PGS1: variants seen among roughly 807,000 people sequenced by gnomAD.
PGS1 encodes the protein CDP-diacylglycerol--glycerol-3-phosphate 3-phosphatidyltransferase, mitochondrial.
In PGS1, 44 loss-of-function variants were observed where a neutral mutation model predicts 58.3. That is an observed-to-expected ratio of 0.75 (90% confidence interval 0.59 to 0.97). The LOEUF (loss-of-function observed/expected upper bound fraction) is 0.97, where lower values mean the gene tolerates loss of function less well. PGS1 is among the 50% of genes least tolerant of loss of function. The pLI is 0.00. For synonymous variants in PGS1, 330 were observed against 311.0 expected, an observed-to-expected ratio of 1.06 and a Z score of -0.64; for missense variants, 684 against 731.1, an observed-to-expected ratio of 0.94 and a Z score of 0.74.
Position 78,424,488 on chromosome 17 carries a change from C to T in PGS1, c.*438C>T, listed in dbSNP as rs1466979735. 1 of 299,470 alleles carries T rather than the reference C, an allele frequency of 3.3e-6. No individual in the cohort carries two copies. The highest frequency in any genetic ancestry group is 2.1e-5 in the African/African-American group (1 of 47,686). The allele number at this position is 299,470 out of a possible 1,614,324, so 18.6% of individuals were successfully genotyped here. A position where few individuals can be genotyped will look rare whatever the true frequency, so the allele number is the denominator to read the frequency against. On this transcript the variant is annotated 3_prime_UTR_variant, in exon 10 of 10. Transcript: ENST00000262764. Reference sequence around the variant, plus strand: ...CAGCTAAAAATTACAGAGTAAAGTTCCCTGATTCTTAATGTGTAATGTCTG... The same window carrying T: ...CAGCTAAAAATTACAGAGTAAAGTTTCCTGATTCTTAATGTGTAATGTCTG...
At chr17:78,396,168 G>A in intron 2 of PGS1, 140 bp from the exon 3 acceptor site, 1 of 674,900 alleles carries the variant, frequency 1.5e-6, no homozygotes, top group Non-Finnish European at 2.7e-6. Context: ...CACGTTTCGA[G>A]CTTGCTTTAA....
chr17:78,386,841 C>G (rs1292590575), intron 1 of PGS1, among the ~76,000 whole-genome samples: 1 of 152,124 alleles, frequency 6.6e-6, no homozygotes, highest in South Asian at 2.1e-4. Flanking sequence ...CCATGGGGTT[C>G]TGTCTGATGT....
At chr17:78,399,566 G>T (rs187781286) in intron 5 of PGS1, 29 bp downstream of exon 5, 1 of 1,610,496 alleles carries the variant, frequency 6.2e-7, no homozygotes, top group East Asian at 2.2e-5. Flanking sequence ...CAGTGCTTTT[G>T]CCCTCCTGCT....
At chr17:78,408,236 T>C (rs889751681) in intron 7 of PGS1, among the ~76,000 whole-genome samples, 4 of 152,220 alleles carry the variant, frequency 2.6e-5, no homozygotes, top group African/African-American at 9.6e-5. Context: ...GGTTTATCTA[T>C]TTCATTCTTA....
intron 1 of PGS1, among the ~76,000 whole-genome samples, chr17:78,388,136 C>G (rs2082544356): frequency 6.6e-6 from 1 of 152,218 alleles, no homozygotes; most frequent in African/African-American, 2.4e-5. Context: ...AAACAGGAAG[C>G]CAGCATAAAA....
intron 1 of PGS1, among the ~76,000 whole-genome samples, chr17:78,390,067 C>CCCCCCCCCCCCCCGCCCCCCT (rs1883308583): frequency 7.0e-6 from 1 of 143,496 alleles, no homozygotes; most frequent in African/African-American, 2.6e-5. Flanking sequence ...CCTGTTCCCC[C>CCCCCCCCCCCCCCGCCCCCCT]GCCCCCGACC....
chr17:78,419,998 A>AGGGATGAGGG lies in PGS1; in HGVS notation c.*10+326_*10+335dup, dbSNP rs1025621299. 15 of 1,156,170 alleles carry AGGGATGAGGG rather than the reference A, an allele frequency of 1.3e-5. No individual in the cohort carries two copies. The African/African-American group carries it at 1.9e-4, about 15-fold the overall frequency. The allele number at this position is 1,156,170 out of a possible 1,614,324, so 71.6% of individuals were successfully genotyped here. A position where few individuals can be genotyped will look rare whatever the true frequency, so the allele number is the denominator to read the frequency against. Reference sequence around the variant, plus strand: ...TGAAGAAGCCCTGGGGCAAGGGCTCAGGGATGAGGGGGCAGAAAGGCAGAT... The same window carrying AGGGATGAGGG: ...TGAAGAAGCCCTGGGGCAAGGGCTCAGGGATGAGGGGGGATGAGGGGGCAGAAAGGCAGAT... On this transcript the variant is annotated intron_variant, in intron 9 of 9. Transcript: ENST00000262764.
intron 9 of PGS1, among the ~76,000 whole-genome samples, chr17:78,423,228 T>TGCTGCCCTAG (rs1406037373): frequency 1.3e-5 from 2 of 152,144 alleles, no homozygotes; most frequent in Non-Finnish European, 2.9e-5. Context: ...GCCTGCACCC[T>TGCTGCCCTAG]GCTGCCCTAG....
chr17:78,381,494 C>G (rs996330318), intron 1 of PGS1, among the ~76,000 whole-genome samples: 2 of 152,064 alleles, frequency 1.3e-5, no homozygotes, highest in African/African-American at 4.8e-5. Flanking sequence ...CCTTGGTGTT[C>G]GAGTTATTCA....
intron 7 of PGS1, among the ~76,000 whole-genome samples, chr17:78,405,476 G>A (rs2084055810): frequency 6.6e-6 from 1 of 152,164 alleles, no homozygotes; most frequent in Admixed American, 6.5e-5. Flanking sequence ...TGCTGGTGGG[G>A]GTGGTAGGAA....
chr17:78,396,332 C>T lies in PGS1; in HGVS notation c.358C>T (p.Arg120Trp), dbSNP rs752050948. ...MKGQIRVAKR[R>W]VVMASLYLGT... ...GGGGCAGATAAGAGTAGCCAAGAGG[C>T]GGGTCGTGATGGCATCCCTCTACCT... The change falls in exon 3 of 10, where the codon CGG becomes TGG. Residue 120 changes from arginine (R) to tryptophan (W), a missense_variant. By Grantham distance (101) the Arg-to-Trp change is moderately radical. Transcript: ENST00000262764. 18 of 1,613,382 alleles carry T rather than the reference C, an allele frequency of 1.1e-5. No individual in the cohort carries two copies. The highest frequency in any genetic ancestry group is 1.4e-5 in the Non-Finnish European group (17 of 1,179,542).
At chr17:78,414,315 T>G (rs2084983876) in intron 7 of PGS1, among the ~76,000 whole-genome samples, 1 of 152,206 alleles carries the variant, frequency 6.6e-6, no homozygotes, top group South Asian at 2.1e-4. Context: ...ATCTGCTGGC[T>G]TGGGTCGCGT....
At chr17:78,399,310 G>T in intron 4 of PGS1, 38 bp from the exon 5 acceptor site, 6 of 1,564,350 alleles carry the variant, frequency 3.8e-6, no homozygotes, top group Non-Finnish European at 4.4e-6. Context: ...ACGCCTTCCT[G>T]TTGTGAGTCA....
At chr17:78,385,008 G>A (rs1456985220) in intron 1 of PGS1, among the ~76,000 whole-genome samples, 5 of 152,244 alleles carry the variant, frequency 3.3e-5, no homozygotes, top group African/African-American at 9.6e-5. Context: ...GGAGAAAGGC[G>A]AGGGGTGCCA....
At chr17:78,393,988 A>C (rs1464228825) in intron 2 of PGS1, among the ~76,000 whole-genome samples, 2 of 151,910 alleles carry the variant, frequency 1.3e-5, no homozygotes, top group African/African-American at 4.8e-5. Flanking sequence ...GTTCGAGAAC[A>C]GCCTCGTCAA....
At chr17:78,421,067 A>AGCAATTTATTTT (rs1387161372) in intron 9 of PGS1, 1 of 152,154 alleles carries the variant, frequency 6.6e-6, no homozygotes, top group Non-Finnish European at 1.5e-5. Flanking sequence ...TTTTTTCCCT[A>AGCAATTTATTTT]GCAATTTATT....
chr17:78,379,744 G>T (rs1417597492), intron 1 of PGS1, among the ~76,000 whole-genome samples: 2 of 151,654 alleles, frequency 1.3e-5, no homozygotes, highest in Admixed American at 6.6e-5. Flanking sequence ...CAGGAGAATC[G>T]CTTGAACCCA....
At chr17:78,417,099 C>G (rs2085259010) in intron 8 of PGS1, among the ~76,000 whole-genome samples, 1 of 152,216 alleles carries the variant, frequency 6.6e-6, no homozygotes, top group South Asian at 2.1e-4. Flanking sequence ...TGGTTTTGTT[C>G]AGGGAACACA....
chr17:78,398,011 C>T (rs1301316755), intron 3 of PGS1: 1 of 597,950 alleles, frequency 1.7e-6, no homozygotes, highest in African/African-American at 1.8e-5. Flanking sequence ...ACGCCTCTGC[C>T]TGCAGGTCCC....
Sources: allele counts gnomAD v4.1 joint callset (sites outside exome capture counted in the v4.1 genomes callset), GRCh38; gene constraint gnomAD v4.1.1; transcripts MANE v1.5; gene names NCBI Gene and HGNC (gene_info 2026-07-23, HGNC 2026-07-21).